Variants in PINX1 observed in about 807,000 individuals in gnomAD.
PINX1 encodes the protein PIN2 (TERF1) interacting telomerase inhibitor 1.
PINX1 carries 34 observed loss-of-function variants against 25.4 expected under a neutral mutation model. The observed-to-expected ratio is 1.34, with a 90% confidence interval of 1.02 to 1.78. The LOEUF is 1.78. PINX1 is among the 40% of genes most tolerant of loss of function. The pLI is 0.00. For synonymous variants in PINX1, 197 were observed against 147.7 expected, an observed-to-expected ratio of 1.33 and a Z score of -2.42; for missense variants, 592 against 404.9, an observed-to-expected ratio of 1.46 and a Z score of -3.97.
chr8:10,819,031 C>G (rs1036239049), intron 6 of PINX1, among the ~76,000 whole-genome samples: 3 of 152,194 alleles, frequency 2.0e-5, no homozygotes, highest in African/African-American at 7.2e-5. Context: ...CCGGCACGGC[C>G]GGATGTCAGA....
intron 6 of PINX1, among the ~76,000 whole-genome samples, chr8:10,809,016 C>T (rs1802542452): frequency 6.6e-6 from 1 of 152,188 alleles, no homozygotes; most frequent in South Asian, 2.1e-4. Context: ...TAGCAGAGTC[C>T]CTCAAGCCGA....
At chr8:10,837,845 T>C (rs1000514090) in intron 1 of PINX1, among the ~76,000 whole-genome samples, 36 of 152,334 alleles carry the variant, frequency 2.4e-4, no homozygotes, top group African/African-American at 8.7e-4. Context: ...AAGGAGAGTA[T>C]TGTTACACTA....
intron 6 of PINX1, among the ~76,000 whole-genome samples, chr8:10,798,501 A>G (rs1802161128): frequency 6.6e-6 from 1 of 152,210 alleles, no homozygotes; most frequent in Non-Finnish European, 1.5e-5. Context: ...TAACAGTGGA[A>G]ATTACTAAAG....
intron 6 of PINX1, among the ~76,000 whole-genome samples, chr8:10,803,280 A>G (rs1256485912): frequency 6.6e-6 from 1 of 152,194 alleles, no homozygotes; most frequent in Non-Finnish European, 1.5e-5. Context: ...AAAGTACGGA[A>G]ATTTCCTTAC....
chr8:10,819,203 G>A (rs1339916759), intron 6 of PINX1, among the ~76,000 whole-genome samples: 1 of 152,202 alleles, frequency 6.6e-6, no homozygotes, highest in African/African-American at 2.4e-5. Flanking sequence ...TCTGCACAGG[G>A]AATCATCTAA....
intron 6 of PINX1, chr8:10,771,083 G>C (rs1801206913): frequency 6.6e-6 from 1 of 152,218 alleles, no homozygotes. Flanking sequence ...TCTGTGAAAA[G>C]TTAAGAAAGC....
chr8:10,803,787 C>T (rs1053805560), intron 6 of PINX1, among the ~76,000 whole-genome samples: 3 of 152,140 alleles, frequency 2.0e-5, no homozygotes, highest in African/African-American at 7.2e-5. Flanking sequence ...CTGAAAAATA[C>T]TCTTTTTCTG....
At chr8:10,823,379 C>A (rs765498356) in intron 5 of PINX1, among the ~76,000 whole-genome samples, 1 of 152,096 alleles carries the variant, frequency 6.6e-6, no homozygotes, top group African/African-American at 2.4e-5. Context: ...AACTGCATAA[C>A]TGAGGGGAGG....
At chr8:10,802,183 G>A (rs1012085545) in intron 6 of PINX1, among the ~76,000 whole-genome samples, 5 of 152,174 alleles carry the variant, frequency 3.3e-5, no homozygotes, top group Non-Finnish European at 7.3e-5. Context: ...GGAATAAGTC[G>A]AAAAGCCTGC....
At chr8:10,813,391 T>G (rs1797597962) in intron 6 of PINX1, among the ~76,000 whole-genome samples, 1 of 152,140 alleles carries the variant, frequency 6.6e-6, no homozygotes, top group African/African-American at 2.4e-5. Context: ...ATAAAGAGAC[T>G]CTTCTCAGTG....
chr8:10,820,077 A>C, intron 6 of PINX1, 116 bp downstream of exon 6: 1 of 712,358 alleles, frequency 1.4e-6, no homozygotes, highest in Non-Finnish European at 2.6e-6. Context: ...GAAGCCTCCA[A>C]AGTGTTTTGG....
chr8:10,832,942 C>T lies in PINX1; in HGVS notation c.172G>A (p.Val58Ile). Reference protein sequence around the residue: ...QEQGATDHIKVQVKNNHLGLG... With the variant: ...QEQGATDHIKIQVKNNHLGLG... The stretch of plus-strand genomic sequence containing the variant: ...CCCAGGTGGTTATTTTTCACTTGAA[C>T]TTTAATATGATCTGTGGCTCCTTGC... The change falls in exon 3 of 7, where the codon GTT (valine) becomes ATT (isoleucine). Residue 58 changes from valine to isoleucine, a missense_variant. Coordinates refer to ENST00000314787, the MANE Select transcript of PINX1 (RefSeq NM_017884.6). 6.2e-7 allele frequency: 1 copy of T among 1,612,278 alleles called. No individual in the cohort carries two copies. The highest frequency in any genetic ancestry group is 8.5e-7 in the Non-Finnish European group (1 of 1,179,080).
chr8:10,779,625 G>C (rs1436254190), intron 6 of PINX1, among the ~76,000 whole-genome samples: 1 of 152,094 alleles, frequency 6.6e-6, no homozygotes, highest in Non-Finnish European at 1.5e-5. Context: ...AAGCAAATGA[G>C]TACTGTGATA....
chr8:10,792,145 A>T (rs1198948471), intron 6 of PINX1, among the ~76,000 whole-genome samples: 1 of 152,126 alleles, frequency 6.6e-6, no homozygotes, highest in African/African-American at 2.4e-5. Flanking sequence ...TTATCCTCTC[A>T]TTGGATGACA....
intron 2 of PINX1, chr8:10,833,615 A>G (rs2129090496): frequency 1.7e-5 from 1 of 59,538 alleles, no homozygotes; most frequent in Admixed American, 1.3e-4. Flanking sequence ...AAGAATGACA[A>G]CTGGGGTGCG....
intron 6 of PINX1, among the ~76,000 whole-genome samples, chr8:10,810,559 C>A (rs1797471536): frequency 1.3e-5 from 2 of 152,136 alleles, no homozygotes; most frequent in African/African-American, 4.8e-5. Context: ...ATTGAGAACC[C>A]ACTCCATGCC....
intron 1 of PINX1, among the ~76,000 whole-genome samples, chr8:10,839,456 G>T (rs1798502206): frequency 6.6e-6 from 1 of 152,152 alleles, no homozygotes; most frequent in Non-Finnish European, 1.5e-5. Flanking sequence ...GCCAGTCCCG[G>T]GACCCGGTGT....
chr8:10,776,703 T>A (rs1801408154), intron 6 of PINX1, among the ~76,000 whole-genome samples: 1 of 151,918 alleles, frequency 6.6e-6, no homozygotes, highest in South Asian at 2.1e-4. Context: ...CGTCGTAAGG[T>A]CAGGAAGGGA....
intron 5 of PINX1, 87 bp downstream of exon 5, chr8:10,826,065 C>A: frequency 1.5e-6 from 1 of 678,114 alleles, no homozygotes; most frequent in Non-Finnish European, 2.6e-6. Flanking sequence ...AGCATGAAGT[C>A]GCTATTGGCC....
Sources: gnomAD v4.1 joint callset for allele counts (sites outside exome capture counted in the v4.1 genomes callset) on GRCh38, gnomAD v4.1.1 for gene constraint, MANE v1.5 for transcripts, NCBI Gene and HGNC (gene_info 2026-07-23, HGNC 2026-07-21) for gene names.